Variants in ICE2 observed in about 807,000 individuals in gnomAD.
ICE2 encodes interactor of little elongation complex ELL subunit 2, also known as little elongation complex subunit 2.
ICE2 carries 87 observed loss-of-function variants against 105.4 expected under a neutral mutation model. The ratio of observed to expected loss-of-function variants is 0.83; its 90% CI spans 0.69 to 0.99. ICE2 has a LOEUF of 0.99. Ranked by LOEUF, ICE2 falls within the 50% of genes least tolerant of loss-of-function variation. ICE2 has a pLI of 0.00. For synonymous variants in ICE2, 399 were observed against 392.0 expected (o/e 1.02, Z -0.21); for missense variants, 1,323 against 1,146.7 (o/e 1.15, Z -2.22).
At chr15:60,477,855 A>G (rs771893777) in intron 2 of ICE2, 82 bp downstream of exon 2, 25 of 1,217,010 alleles carry the variant, frequency 2.1e-5, no homozygotes, top group Non-Finnish European at 3.1e-5. Context: ...AAATCTCTCT[A>G]TGCCAGAAAT....
chr15:60,438,219 A>C (rs1001565386), intron 12 of ICE2: 2 of 152,214 alleles, frequency 1.3e-5, no homozygotes, highest in Non-Finnish European at 2.9e-5. Flanking sequence ...GCATGATGAG[A>C]ATATAAGACG....
intron 8 of ICE2, chr15:60,454,739 C>T: frequency 3.2e-6 from 1 of 317,194 alleles, no homozygotes. Flanking sequence ...GGAGAATGGG[C>T]AGGTTTGTTA....
rs2064020479 is a variant in ICE2 at position 60,453,600 on chromosome 15, T to A, written c.1125+3A>T. ...CTTAGGGGAAAAAAAAAGCATTACA[T>A]ACGTCCATTTCAGATATAAACTCTT... On this transcript the variant is annotated splice_donor_region_variant and intron_variant, in intron 9 of 15. Coordinates refer to ENST00000261520, the MANE Select transcript of ICE2 (RefSeq NM_024611.6). 6.2e-7 allele frequency: 1 copy of A among 1,612,716 alleles called. No homozygotes were observed. The highest frequency in any genetic ancestry group is 8.5e-7 in the Non-Finnish European group (1 of 1,179,330).
At chr15:60,469,484 T>C (rs953945690) in intron 3 of ICE2, among the ~76,000 whole-genome samples, 1 of 152,098 alleles carries the variant, frequency 6.6e-6, no homozygotes, top group Non-Finnish European at 1.5e-5. Context: ...AAACCCCTGA[T>C]AATAAGAGCT....
At chr15:60,476,298 A>C (rs1311863860) in intron 2 of ICE2, 131 bp from the exon 3 acceptor site, 3 of 612,578 alleles carry the variant, frequency 4.9e-6, no homozygotes, top group African/African-American at 3.8e-5. Context: ...ATCTCTTCTT[A>C]CTATGTTTAA....
At chr15:60,468,983 A>C (rs932557662) in intron 3 of ICE2, among the ~76,000 whole-genome samples, 1 of 152,220 alleles carries the variant, frequency 6.6e-6, no homozygotes, top group African/African-American at 2.4e-5. Context: ...AATGAAATGT[A>C]CCAGAAGAGA....
At chr15:60,455,914 G>A (rs965578099) in intron 6 of ICE2, among the ~76,000 whole-genome samples, 1 of 152,040 alleles carries the variant, frequency 6.6e-6, no homozygotes, top group Non-Finnish European at 1.5e-5. Flanking sequence ...CATCATACCA[G>A]GCCAGTTTCA....
rs1303256922 is a variant in ICE2 at position 60,421,750 on chromosome 15, T to C, written c.*1884A>G. 6.6e-6 allele frequency: 1 copy of C among 152,084 alleles called. No individual in the cohort carries two copies. The highest frequency in any genetic ancestry group is 2.4e-5 in the African/African-American group (1 of 41,402). The allele number at this position is 152,084 out of a possible 1,614,324, so 9.4% of individuals were successfully genotyped here. On this transcript the variant is annotated 3_prime_UTR_variant, in exon 16 of 16. Coordinates refer to ENST00000261520, the MANE Select transcript of ICE2 (RefSeq NM_024611.6). The stretch of plus-strand genomic sequence containing the variant: ...TGGCAAATGATTCACAACCAAAACA[T>C]TTCTGGGATATGTGACTTAAGGAAT...
chr15:60,434,867 A>G (rs759863666), intron 13 of ICE2, among the ~76,000 whole-genome samples: 7 of 152,232 alleles, frequency 4.6e-5, no homozygotes, highest in Non-Finnish European at 7.3e-5. Flanking sequence ...AATTTACTGT[A>G]TATGTCCAAA....
chr15:60,433,825 A>T (rs1174035056), intron 13 of ICE2, among the ~76,000 whole-genome samples: 1 of 152,074 alleles, frequency 6.6e-6, no homozygotes, highest in African/African-American at 2.4e-5. Flanking sequence ...AATGTTTTTC[A>T]ATGAGAAAAG....
chr15:60,437,854 G>A (rs2063631497), intron 12 of ICE2: 1 of 150,854 alleles, frequency 6.6e-6, no homozygotes, highest in Non-Finnish European at 1.5e-5. Context: ...TACAGATGGA[G>A]TTTCATCATG....
Position 60,448,910 on chromosome 15 carries a change from G to A in ICE2, c.2057C>T (p.Pro686Leu), listed in dbSNP as rs1447667389. 2 of 1,613,348 alleles carry A rather than the reference G, an allele frequency of 1.2e-6. No individual in the cohort carries two copies. The highest frequency in any genetic ancestry group is 1.7e-5 in the Admixed American group (1 of 59,912). Residue 686 changes from proline to leucine, a missense_variant, in exon 10 of 16, where the codon CCT (proline) becomes CTT (leucine). Coordinates refer to ENST00000261520, the MANE Select transcript of ICE2 (RefSeq NM_024611.6). Reference sequence around the variant, plus strand: ...TTTCGGCCAACTAGAGGAGTCTGAAGGACCAGACAATTGCTCAGAAACAGA... The same window carrying A: ...TTTCGGCCAACTAGAGGAGTCTGAAAGACCAGACAATTGCTCAGAAACAGA... ...QPSVSEQLSG[P>L]SDSSSWPKSG...
At chr15:60,434,520 TAC>T (rs71122858) in intron 13 of ICE2, among the ~76,000 whole-genome samples, 20,702 of 143,868 alleles carry the variant, frequency 0.14, 1,584 homozygotes, top group Middle Eastern at 0.2. Flanking sequence ...AAAATGTGAT[TAC>T]ACACACACAC....
intron 11 of ICE2, chr15:60,445,685 G>A: frequency 1.0e-6 from 1 of 985,096 alleles, no homozygotes; most frequent in Non-Finnish European, 1.2e-6. Flanking sequence ...GAATTACAAT[G>A]TCCTTACCAA....
intron 5 of ICE2, among the ~76,000 whole-genome samples, chr15:60,457,500 T>G (rs2064158670): frequency 6.6e-6 from 1 of 152,200 alleles, no homozygotes; most frequent in Non-Finnish European, 1.5e-5. Flanking sequence ...GAACCTTATC[T>G]GAAATGTCTT....
In ICE2 at chr15:60,453,767, C is replaced by A; in HGVS notation, c.961G>T (p.Val321Leu). Reference protein sequence around the residue: ...IPVAGSKPVKVIYINSPLPQK... With the variant: ...IPVAGSKPVKLIYINSPLPQK... ...GGAAGTGGTGAATTAATATATATTA[C>A]TTTAACTGGTTTTGAACCTTAAAAC... Residue 321 changes from valine (V) to leucine (L), a missense_variant, in exon 9 of 16, where the codon GTA becomes TTA. Val to Leu is a conservative substitution (Grantham distance 32). Coordinates refer to ENST00000261520, the MANE Select transcript of ICE2 (RefSeq NM_024611.6). The A allele has an allele frequency of 6.3e-7, 1 of 1,577,218 alleles. No individual in the cohort carries two copies. The highest frequency in any genetic ancestry group is 8.7e-7 in the Non-Finnish European group (1 of 1,147,208).
chr15:60,472,263 T>A (rs544710662), intron 3 of ICE2, among the ~76,000 whole-genome samples: 1 of 152,262 alleles, frequency 6.6e-6, no homozygotes, highest in East Asian at 1.9e-4. Context: ...CAAACACTTA[T>A]GGAGCACAGA....
chr15:60,469,282 G>A (rs1396673870), intron 3 of ICE2, among the ~76,000 whole-genome samples: 2 of 152,148 alleles, frequency 1.3e-5, no homozygotes, highest in Non-Finnish European at 2.9e-5. Context: ...GAATACACAT[G>A]GGCGTGTTGC....
chr15:60,442,739 G>A (rs532087357), intron 11 of ICE2, 194 bp from the exon 12 acceptor site: 40 of 440,650 alleles, frequency 9.1e-5, no homozygotes, highest in Non-Finnish European at 1.6e-4. Flanking sequence ...GGTGCCAAAA[G>A]GTGGATGGAT....
Sources: gnomAD v4.1 joint callset for allele counts (sites outside exome capture counted in the v4.1 genomes callset) on GRCh38, gnomAD v4.1.1 for gene constraint, MANE v1.5 for transcripts, NCBI Gene and HGNC (gene_info 2026-07-23, HGNC 2026-07-21) for gene names.